ADAMTSL3: variants seen among roughly 807,000 people sequenced by gnomAD.
ADAMTSL3 encodes ADAMTS-like protein 3.
A neutral mutation model predicts 201.7 loss-of-function variants in ADAMTSL3; 128 were observed. The observed-to-expected ratio is 0.63, with a 90% CI of 0.55 to 0.73. The LOEUF (loss-of-function observed/expected upper bound fraction) is 0.73, where lower values mean the gene tolerates loss of function less well. ADAMTSL3 is among the 30% of genes least tolerant of loss of function. The pLI, the probability that ADAMTSL3 is intolerant of heterozygous loss-of-function variation, is 0.00. For synonymous variants in ADAMTSL3, 738 were observed against 748.4 expected, an observed-to-expected ratio of 0.99 and a Z score of 0.23; for missense variants, 1,990 against 2,119.6, an observed-to-expected ratio of 0.94 and a Z score of 1.20.
intron 7 of ADAMTSL3, among the ~76,000 whole-genome samples, chr15:83,853,366 T>A (rs2064660196): frequency 6.6e-6 from 1 of 152,218 alleles, no homozygotes; most frequent in Non-Finnish European, 1.5e-5. Context: ...TTAAAAACTC[T>A]TCAGTCATAC....
chr15:83,986,255 G>A (rs936431639), intron 21 of ADAMTSL3, among the ~76,000 whole-genome samples: 2 of 152,134 alleles, frequency 1.3e-5, no homozygotes, highest in African/African-American at 4.8e-5. Flanking sequence ...GGCTGACAAG[G>A]TTGAAGTGAT....
intron 4 of ADAMTSL3, among the ~76,000 whole-genome samples, chr15:83,775,320 G>A (rs981418310): frequency 6.6e-6 from 1 of 151,896 alleles, no homozygotes; most frequent in African/African-American, 2.4e-5. Context: ...AGTGGGAAAG[G>A]TGTGGGATTT....
intron 15 of ADAMTSL3, among the ~76,000 whole-genome samples, chr15:83,904,277 G>T (rs927295215): frequency 4.0e-5 from 6 of 151,830 alleles, no homozygotes; most frequent in African/African-American, 1.2e-4. Flanking sequence ...GCCATCTAGT[G>T]TGAAGTTTAT....
At position 83,833,308 on chromosome 15, in the gene ADAMTSL3, G is replaced by C. The variant is rs539818538; in HGVS notation, c.601-4781G>C. Among the ~76,000 whole-genome samples, 562 of 152,288 alleles carry C rather than the reference G, an allele frequency of 3.7e-3. 2 individuals carry two copies. Among genetic ancestry groups the C allele is most frequent in the African/African-American group, 0.013 (531 of 41,552 alleles). ...AAATCAAAGTGCTGGCAGATTCAGT[G>C]TCTGGTGAGGGTCTGCTCCCTGCCT... On this transcript the variant is annotated intron_variant, in intron 6 of 29. Transcript: ENST00000286744.
At chr15:83,967,492 A>G (rs531575730) in intron 19 of ADAMTSL3, among the ~76,000 whole-genome samples, 3 of 152,338 alleles carry the variant, frequency 2.0e-5, no homozygotes, top group East Asian at 1.9e-4. Flanking sequence ...GACCTCTTCA[A>G]GGAGAACTAC....
chr15:83,801,657 T>TATATATATAA (rs2063520684), intron 4 of ADAMTSL3, among the ~76,000 whole-genome samples: 1 of 33,138 alleles, frequency 3.0e-5, no homozygotes. Context: ...TATAAATATA[T>TATATATATAA]ATATATATAT....
intron 4 of ADAMTSL3, among the ~76,000 whole-genome samples, chr15:83,794,982 A>G (rs1174213257): frequency 2.6e-5 from 4 of 151,976 alleles, no homozygotes; most frequent in African/African-American, 9.7e-5. Flanking sequence ...CCTCCCAAGT[A>G]GCTGGGATTA....
At chr15:83,748,503 T>C (rs2062584540) in intron 3 of ADAMTSL3, among the ~76,000 whole-genome samples, 1 of 151,210 alleles carries the variant, frequency 6.6e-6, no homozygotes, top group Admixed American at 6.6e-5. Context: ...ACACAAAAAG[T>C]AGCCAGGCAT....
intron 4 of ADAMTSL3, among the ~76,000 whole-genome samples, chr15:83,787,311 C>T (rs760468639): frequency 6.6e-6 from 1 of 152,084 alleles, no homozygotes; most frequent in African/African-American, 2.4e-5. Context: ...TCTCTTTATG[C>T]TGTGCCCACA....
intron 7 of ADAMTSL3, among the ~76,000 whole-genome samples, chr15:83,842,557 T>A (rs2064404518): frequency 6.6e-6 from 1 of 152,186 alleles, no homozygotes. Context: ...CTTTGCCCCT[T>A]TCAATACCTC....
At chr15:83,903,240 ATCT>A (rs1200473524) in intron 15 of ADAMTSL3, among the ~76,000 whole-genome samples, 1 of 68,878 alleles carries the variant, frequency 1.5e-5, no homozygotes, top group Non-Finnish European at 2.5e-5. Flanking sequence ...CGGCTGCCAG[ATCT>A]TTTTTTTTTT....
At chr15:83,955,529 C>T (rs568090288) in intron 19 of ADAMTSL3, among the ~76,000 whole-genome samples, 17 of 152,182 alleles carry the variant, frequency 1.1e-4, no homozygotes, top group South Asian at 2.1e-4. Context: ...AGCTGTTACC[C>T]GAAGCCAGCA....
At chr15:83,724,523 C>G (rs1435603212) in intron 3 of ADAMTSL3, among the ~76,000 whole-genome samples, 1 of 152,044 alleles carries the variant, frequency 6.6e-6, no homozygotes, top group Non-Finnish European at 1.5e-5. Flanking sequence ...TATCCGTCAC[C>G]TCAGGCATTT....
At chr15:83,826,523 A>T (rs1168683877) in intron 6 of ADAMTSL3, among the ~76,000 whole-genome samples, 1 of 151,694 alleles carries the variant, frequency 6.6e-6, no homozygotes, top group Non-Finnish European at 1.5e-5. Context: ...CTTTTAAAAA[A>T]ATTATACTTT....
chr15:83,663,258 T>C (rs1458717287), intron 2 of ADAMTSL3, among the ~76,000 whole-genome samples: 1 of 152,214 alleles, frequency 6.6e-6, no homozygotes, highest in Non-Finnish European at 1.5e-5. Context: ...TAAGCAGATG[T>C]TCATCTGTAG....
chr15:83,723,980 T>C (rs2062136608), intron 3 of ADAMTSL3, among the ~76,000 whole-genome samples: 1 of 152,048 alleles, frequency 6.6e-6, no homozygotes, highest in Non-Finnish European at 1.5e-5. Flanking sequence ...AAAGAAAGGA[T>C]TGGGGGAATG....
chr15:83,802,006 A>G (rs1046622073), intron 4 of ADAMTSL3, among the ~76,000 whole-genome samples: 1 of 152,044 alleles, frequency 6.6e-6, no homozygotes, highest in Non-Finnish European at 1.5e-5. Flanking sequence ...CACACAAGCA[A>G]AGGAATAATC....
At chr15:83,940,019 T>C (rs1473291538) in intron 17 of ADAMTSL3, among the ~76,000 whole-genome samples, 1 of 152,232 alleles carries the variant, frequency 6.6e-6, no homozygotes, top group Non-Finnish European at 1.5e-5. Context: ...TTGCTATTCT[T>C]TTTTTAACCT....
intron 16 of ADAMTSL3, among the ~76,000 whole-genome samples, chr15:83,920,445 C>T (rs12917345): frequency 0.14 from 21,211 of 152,220 alleles, 1,923 homozygotes; most frequent in Middle Eastern, 0.33. Context: ...AAAGAACTCA[C>T]CTATTTGAAG....
Sources: allele counts gnomAD v4.1 joint callset (sites outside exome capture counted in the v4.1 genomes callset), GRCh38; gene constraint gnomAD v4.1.1; transcripts MANE v1.5; gene names NCBI Gene and HGNC (gene_info 2026-07-23, HGNC 2026-07-21).